PTPN3: variants seen among roughly 807,000 people sequenced by gnomAD.
PTPN3 encodes protein tyrosine phosphatase non-receptor type 3.
In PTPN3, 96 loss-of-function variants were observed where a neutral mutation model predicts 132.7. The ratio of observed to expected loss-of-function variants is 0.72; its 90% confidence interval spans 0.61 to 0.86. PTPN3 has a LOEUF of 0.86. Among genes scored for constraint, PTPN3 ranks in the 40% least tolerant of loss-of-function variants. The pLI is 0.00. For missense variants in PTPN3, 1,125 were observed against 1,159.6 expected, an observed-to-expected ratio of 0.97 and a Z score of 0.43; for synonymous variants, 398 against 429.0, an observed-to-expected ratio of 0.93 and a Z score of 0.89.
chr9:109,417,778 G>A (rs1421710900), intron 14 of PTPN3: 4 of 985,182 alleles, frequency 4.1e-6, no homozygotes, highest in Non-Finnish European at 4.8e-6. Context: ...TATTGTCAGT[G>A]CACCTGGTAA....
At chr9:109,471,759 G>A (rs532150178) in intron 1 of PTPN3, among the ~76,000 whole-genome samples, 1 of 151,968 alleles carries the variant, frequency 6.6e-6, no homozygotes, top group African/African-American at 2.4e-5. Context: ...CCTGCCTCAG[G>A]CATCCTAAGA....
At chr9:109,405,292 G>A (rs929415532) in intron 18 of PTPN3, among the ~76,000 whole-genome samples, 10 of 152,188 alleles carry the variant, frequency 6.6e-5, no homozygotes, top group African/African-American at 2.4e-4. Context: ...AGGAGGTGGG[G>A]TCAGAGCTGG....
chr9:109,505,307 C>T, the PTPN3 span, among the ~76,000 whole-genome samples: 1 of 152,214 alleles, frequency 6.6e-6, no homozygotes, highest in South Asian at 2.1e-4. Context: ...GAGTCTTGCT[C>T]TGTCACCCAG....
At chr9:109,534,400 A>G in the PTPN3 span, 1 of 1,443,096 alleles carries the variant, frequency 6.9e-7, no homozygotes, top group Non-Finnish European at 9.1e-7. Context: ...GATGGTAGCT[A>G]GGCCAGCGGT....
In PTPN3 at chr9:109,457,234, T is replaced by C; in HGVS notation, c.247-19A>G. The C allele has an allele frequency of 6.2e-7, 1 of 1,613,540 alleles. No homozygotes were observed. On this transcript the variant is annotated intron_variant, in intron 3 of 25. Transcript: ENST00000374541. Reference sequence around the variant, plus strand: ...GCCATCTCTGTTGGACAAGAAAACATAAAATATAAAAGCAAACCGTGAAGG... The same window carrying C: ...GCCATCTCTGTTGGACAAGAAAACACAAAATATAAAAGCAAACCGTGAAGG...
chr9:109,406,415 T>G, intron 18 of PTPN3, 47 bp downstream of exon 18: 1 of 1,584,188 alleles, frequency 6.3e-7, no homozygotes, highest in Non-Finnish European at 8.6e-7. Context: ...AGGCGCAGCT[T>G]GGCTAGGACA....
upstream of PTPN3, among the ~76,000 whole-genome samples, chr9:109,500,234 T>A (rs1473036660): frequency 6.6e-6 from 1 of 152,240 alleles, no homozygotes; most frequent in African/African-American, 2.4e-5. Context: ...TCATGCCAGT[T>A]TGCCAACTGC....
At chr9:109,534,958 C>G in the PTPN3 span, among the ~76,000 whole-genome samples, 1 of 152,196 alleles carries the variant, frequency 6.6e-6, no homozygotes, top group Non-Finnish European at 1.5e-5. Flanking sequence ...GCATTTTGCT[C>G]TAATAAAAAG....
rs1286102088 is a variant in PTPN3, at chr9:109,391,056, C to G, written c.2106+82G>C. 2.3e-6 allele frequency: 3 copies of G among 1,310,774 alleles called. No homozygotes were observed. In the African/African-American group the frequency reaches 4.4e-5, roughly 19 times the overall value. The allele number at this position is 1,310,774 out of a possible 1,614,324, so 81.2% of individuals were successfully genotyped here. A position where few individuals can be genotyped will look rare whatever the true frequency, so the allele number is the denominator to read the frequency against. Reference sequence around the variant, plus strand: ...GGTGAACGGGAAAGCACTGTGTCAACTGCAAAGCCCCACACAGGCCCTCAT... The same window carrying G: ...GGTGAACGGGAAAGCACTGTGTCAAGTGCAAAGCCCCACACAGGCCCTCAT... On this transcript the variant is annotated intron_variant, in intron 21 of 25. Coordinates refer to ENST00000374541, the MANE Select transcript of PTPN3 (RefSeq NM_002829.4).
Position 109,404,498 on chromosome 9 carries a change from C to T in PTPN3, c.1903G>A (p.Ala635Thr), listed in dbSNP as rs1277649633. ...CTTTCGAGGCCCTTCTTTAGCTGTG[C>T]CATGGATCCCTCCAAAGTGTCCCCA... ...EGGDTLEGSMAQLKKGLESGT... is the reference protein window; with the variant it reads ...EGGDTLEGSMTQLKKGLESGT... Residue 635 changes from alanine to threonine, a missense_variant, in exon 19 of 26, where the codon GCA (alanine) becomes ACA (threonine). Physicochemically the swap from Ala to Thr is moderately conservative, Grantham distance 58. Transcript: ENST00000374541. 1 of 1,552,898 alleles carries T rather than the reference C, an allele frequency of 6.4e-7. No individual in the cohort carries two copies. Among genetic ancestry groups the T allele is most frequent in the Non-Finnish European group, 8.8e-7 (1 of 1,139,332 alleles).
At chr9:109,447,873 C>T (rs376825557) in intron 6 of PTPN3, among the ~76,000 whole-genome samples, 5 of 152,176 alleles carry the variant, frequency 3.3e-5, no homozygotes, top group Admixed American at 1.3e-4. Context: ...TGCCCGCCTA[C>T]GTAGGACACG....
the PTPN3 span, among the ~76,000 whole-genome samples, chr9:109,517,697 CAT>C: frequency 1.3e-5 from 2 of 152,164 alleles, no homozygotes; most frequent in Non-Finnish European, 2.9e-5. Context: ...TGATGGAAAC[CAT>C]AATTTGGGGA....
In PTPN3 at chr9:109,391,504, A is replaced by T. The variant is rs766460015; in HGVS notation, c.2011T>A (p.Leu671Met). 3 of 1,614,038 alleles carry T rather than the reference A, an allele frequency of 1.9e-6. No individual in the cohort carries two copies. The South Asian group carries it at 3.3e-5, about 18-fold the overall frequency. The change falls in exon 20 of 26, where the codon TTG becomes ATG. Residue 671 changes from leucine to methionine, a missense_variant. Coordinates refer to ENST00000374541, the MANE Select transcript of PTPN3 (RefSeq NM_002829.4). ...ACATCTTTATATCGGTTTTTGTCCA[A>T]ATTTTGAGGCAGCTTTGCAAACGTG... ...AITFAKLPQN[L>M]DKNRYKDVLP...
chr9:109,450,183 C>G (rs1422850094), intron 5 of PTPN3: 1 of 985,088 alleles, frequency 1.0e-6, no homozygotes, highest in African/African-American at 1.7e-5. Context: ...ATTAACTACC[C>G]ACAATGTATT....
the PTPN3 span, among the ~76,000 whole-genome samples, chr9:109,524,740 A>T: frequency 6.6e-6 from 1 of 151,516 alleles, no homozygotes; most frequent in South Asian, 2.1e-4. Context: ...TTTGATTTGG[A>T]TTTTGTTTTG....
At chr9:109,450,330 A>G in intron 5 of PTPN3, 1 of 985,410 alleles carries the variant, frequency 1.0e-6, no homozygotes, top group African/African-American at 1.7e-5. Flanking sequence ...CCAAGCTGAC[A>G]TTCAACCAGA....
At chr9:109,445,494 C>G (rs1315211530) in intron 6 of PTPN3, among the ~76,000 whole-genome samples, 1 of 152,128 alleles carries the variant, frequency 6.6e-6, no homozygotes, top group African/African-American at 2.4e-5. Flanking sequence ...AAAATAAAAC[C>G]TTTTCATGTT....
At chr9:109,485,665 A>G (rs1296827593) in intron 1 of PTPN3, among the ~76,000 whole-genome samples, 1 of 152,116 alleles carries the variant, frequency 6.6e-6, no homozygotes, top group Non-Finnish European at 1.5e-5. Flanking sequence ...CGGAATCATC[A>G]GTTTCCACAC....
intron 17 of PTPN3, among the ~76,000 whole-genome samples, chr9:109,407,307 A>G (rs1471067156): frequency 6.6e-6 from 1 of 152,046 alleles, no homozygotes; most frequent in Non-Finnish European, 1.5e-5. Context: ...GGATCGCTTG[A>G]GCCTAGTTTG....
Sources: gnomAD v4.1 joint callset for allele counts (sites outside exome capture counted in the v4.1 genomes callset) on GRCh38, gnomAD v4.1.1 for gene constraint, MANE v1.5 for transcripts, NCBI Gene and HGNC (gene_info 2026-07-23, HGNC 2026-07-21) for gene names.